The following ADAMTS19 variants were observed in gnomAD, a reference collection of about 807,000 sequenced individuals.
The protein encoded by ADAMTS19 is A disintegrin and metalloproteinase with thrombospondin motifs 19.
A neutral mutation model predicts 153.3 loss-of-function variants in ADAMTS19; 93 were observed. The ratio of observed to expected loss-of-function variants is 0.61; its 90% CI spans 0.51 to 0.72. ADAMTS19 has a LOEUF of 0.72. Ranked by LOEUF, ADAMTS19 falls within the 30% of genes least tolerant of loss-of-function variation. The pLI, the probability that ADAMTS19 is intolerant of heterozygous loss-of-function variation, is 0.00. For synonymous variants in ADAMTS19, 600 were observed against 556.6 expected, an observed-to-expected ratio of 1.08 and a Z score of -1.10; for missense variants, 1,482 against 1,552.1, an observed-to-expected ratio of 0.95 and a Z score of 0.76.
chr5:129,720,176 T>A (rs1756932019), intron 21 of ADAMTS19, among the ~76,000 whole-genome samples: 1 of 144,490 alleles, frequency 6.9e-6, no homozygotes, highest in African/African-American at 2.6e-5. Flanking sequence ...ATATATTTAT[T>A]TTTTTTTTTT....
intron 14 of ADAMTS19, among the ~76,000 whole-genome samples, chr5:129,657,700 A>C (rs1753605838): frequency 6.6e-6 from 1 of 152,204 alleles, no homozygotes; most frequent in South Asian, 2.1e-4. Flanking sequence ...GTGCCAAAGG[A>C]GATAGGGATG....
chr5:129,732,538 G>A (rs892534991), intron 21 of ADAMTS19, among the ~76,000 whole-genome samples: 2 of 151,996 alleles, frequency 1.3e-5, no homozygotes, highest in African/African-American at 4.8e-5. Flanking sequence ...AACTGAGAAT[G>A]AAATCAAGAA....
intron 7 of ADAMTS19, among the ~76,000 whole-genome samples, chr5:129,585,055 C>T (rs1039814801): frequency 2.0e-5 from 3 of 152,264 alleles, no homozygotes; most frequent in South Asian, 4.2e-4. Flanking sequence ...TCCTGCTCTG[C>T]GGGTTGCAAA....
rs1306721184 is a variant in ADAMTS19, at chr5:129,658,363, AAGAAAG to A, written c.2305-250_2305-245del. On this transcript the variant is annotated intron_variant, in intron 14 of 22. Transcript: ENST00000274487. ...AAAGAAAGAAAGAAAGAAAGAAAGA[AAGAAAG>A]AGAGAGAGGAAGGAAGGAAGGTAGG... 8.2e-4 allele frequency among the ~76,000 whole-genome samples: 100 copies of A among 121,580 alleles called. 2 individuals carry two copies. Among genetic ancestry groups the A allele is most frequent in the African/African-American group, 1.4e-3 (40 of 28,168 alleles). 79.8% of individuals were successfully genotyped at this position (121,580 alleles called of 152,430 possible). A position where few individuals can be genotyped will look rare whatever the true frequency, so the allele number is the denominator to read the frequency against.
At chr5:129,594,968 C>G (rs1446024806) in intron 7 of ADAMTS19, among the ~76,000 whole-genome samples, 4 of 151,990 alleles carry the variant, frequency 2.6e-5, no homozygotes, top group Non-Finnish European at 5.9e-5. Context: ...ATTAAGAAGT[C>G]ATTTCATCTG....
At position 129,534,953 on chromosome 5, in the gene ADAMTS19, T is replaced by A. The variant is rs186505910; in HGVS notation, c.1328+6276T>A. Among the ~76,000 whole-genome samples, 211 of 152,220 alleles carry A rather than the reference T, an allele frequency of 1.4e-3. 1 individual carries two copies. The highest frequency in any genetic ancestry group is 3.7e-3 in the African/African-American group (154 of 41,566). On this transcript the variant is annotated intron_variant, in intron 6 of 22. Coordinates refer to ENST00000274487, the MANE Select transcript of ADAMTS19 (RefSeq NM_133638.6). ...TAATAAGAGACAAATCCACAGCCAATATCATACTGAATGGACAAAAACTGG... is the reference window on the plus strand; with the variant it reads ...TAATAAGAGACAAATCCACAGCCAAAATCATACTGAATGGACAAAAACTGG...
chr5:129,540,353 G>C (rs1167356795), intron 6 of ADAMTS19, among the ~76,000 whole-genome samples: 1 of 152,008 alleles, frequency 6.6e-6, no homozygotes, highest in African/African-American at 2.4e-5. Flanking sequence ...GTTTAAAGCT[G>C]ACCTAGTTAT....
At chr5:129,686,135 G>A (rs1234237760) in intron 18 of ADAMTS19, among the ~76,000 whole-genome samples, 2 of 152,170 alleles carry the variant, frequency 1.3e-5, no homozygotes, top group Admixed American at 6.5e-5. Flanking sequence ...GATGATACCA[G>A]TCCTTATGAT....
At chr5:129,643,484 C>T (rs963970628) in intron 11 of ADAMTS19, among the ~76,000 whole-genome samples, 7 of 150,562 alleles carry the variant, frequency 4.6e-5, no homozygotes, top group Non-Finnish European at 8.8e-5. Flanking sequence ...GCTGGGAGTA[C>T]ATCAATGAGA....
At chr5:129,680,758 T>A in intron 17 of ADAMTS19, among the ~76,000 whole-genome samples, 1 of 133,266 alleles carries the variant, frequency 7.5e-6, no homozygotes. Context: ...GGAGACTCTG[T>A]CTCAAAAAAA....
chr5:129,488,484 A>AATTCCT (rs1247402013), intron 2 of ADAMTS19, among the ~76,000 whole-genome samples: 1 of 152,098 alleles, frequency 6.6e-6, no homozygotes, highest in Non-Finnish European at 1.5e-5. Flanking sequence ...TAAGAAAATT[A>AATTCCT]ATCTAAGTAT....
chr5:129,583,057 C>G (rs13359075), intron 7 of ADAMTS19, among the ~76,000 whole-genome samples: 1 of 152,004 alleles, frequency 6.6e-6, no homozygotes, highest in Non-Finnish European at 1.5e-5. Flanking sequence ...CTTATTTCTC[C>G]CTTCCATATT....
rs571031702 is a variant in ADAMTS19 at position 129,479,234 on chromosome 5, T to G, written c.747+17477T>G. On this transcript the variant is annotated intron_variant, in intron 2 of 22. Transcript: ENST00000274487. ...GATATATAACACATTCACATCATTT[T>G]AATCCTTTGATCCAAGATATGGGGT... Among the ~76,000 whole-genome samples, 12 of 152,304 alleles carry G rather than the reference T, an allele frequency of 7.9e-5. 1 individual carries two copies. The highest frequency in any genetic ancestry group is 6.5e-4 in the Admixed American group (10 of 15,298).
At chr5:129,680,774 A>AC (rs1754770598) in intron 17 of ADAMTS19, among the ~76,000 whole-genome samples, 1 of 110,778 alleles carries the variant, frequency 9.0e-6, no homozygotes, top group African/African-American at 3.4e-5. Flanking sequence ...AAAAAAAAAA[A>AC]ACAAAAAAAA....
At chr5:129,548,645 A>T (rs1314283873) in intron 6 of ADAMTS19, among the ~76,000 whole-genome samples, 1 of 151,864 alleles carries the variant, frequency 6.6e-6, no homozygotes, top group African/African-American at 2.4e-5. Flanking sequence ...AGAACTAGAA[A>T]TACCATTTGA....
At chr5:129,648,748 G>C in intron 12 of ADAMTS19, 50 bp from the exon 13 acceptor site, 1 of 1,486,312 alleles carries the variant, frequency 6.7e-7, no homozygotes, top group Non-Finnish European at 9.3e-7. Context: ...TAAAACCTAG[G>C]TAGTTAACAT....
chr5:129,592,860 T>G (rs1329888367), intron 7 of ADAMTS19, among the ~76,000 whole-genome samples: 1 of 152,214 alleles, frequency 6.6e-6, no homozygotes. Context: ...TTTTTGTTCA[T>G]ATGAATATAT....
chr5:129,617,151 C>T (rs1449003700), intron 8 of ADAMTS19, among the ~76,000 whole-genome samples: 2 of 151,994 alleles, frequency 1.3e-5, no homozygotes, highest in Non-Finnish European at 2.9e-5. Flanking sequence ...CCTGTAGAGT[C>T]AGGACTAAGC....
At chr5:129,555,557 T>C (rs1366275260) in intron 7 of ADAMTS19, among the ~76,000 whole-genome samples, 3 of 152,168 alleles carry the variant, frequency 2.0e-5, no homozygotes, top group Non-Finnish European at 4.4e-5. Context: ...CTCGAAAGCT[T>C]GGATTCCTCA....
Sources: gnomAD v4.1 joint callset for allele counts (sites outside exome capture counted in the v4.1 genomes callset) on GRCh38, gnomAD v4.1.1 for gene constraint, MANE v1.5 for transcripts, NCBI Gene and HGNC (gene_info 2026-07-23, HGNC 2026-07-21) for gene names.